Variants in CSMD1 observed in about 807,000 individuals in gnomAD.
CSMD1 encodes the protein CUB and sushi domain-containing protein 1.
Under a neutral mutation model 417.5 loss-of-function variants are expected in CSMD1, and 213 were observed. That is an observed-to-expected ratio of 0.51 (90% CI 0.46 to 0.57). The LOEUF is 0.57. Ranked by LOEUF, CSMD1 falls within the 20% of genes least tolerant of loss-of-function variation. CSMD1 has a pLI of 0.00. For synonymous variants in CSMD1, 2,862 were observed against 1,736.8 expected (o/e 1.65, Z -16.11); for missense variants, 6,923 against 4,529.7 (o/e 1.53, Z -15.17).
chr8:3,445,534 AT>A (rs918502254), intron 12 of CSMD1, among the ~76,000 whole-genome samples: 112 of 151,650 alleles, frequency 7.4e-4, no homozygotes, highest in East Asian at 3.1e-3. Context: ...TTCATTACAC[AT>A]TTTTTTTTAA....
At chr8:3,272,447 G>A (rs1038385831) in intron 26 of CSMD1, among the ~76,000 whole-genome samples, 54 of 150,662 alleles carry the variant, frequency 3.6e-4, no homozygotes, top group Admixed American at 6.0e-4. Flanking sequence ...CTTTAAAGTA[G>A]TTTTTTCCAA....
chr8:4,420,130 G>T, intron 2 of CSMD1, 65 bp from the exon 3 acceptor site: 1 of 1,157,560 alleles, frequency 8.6e-7, no homozygotes, highest in South Asian at 1.3e-5. Flanking sequence ...AAGCTTATTT[G>T]ATGAAGTCAC....
chr8:3,828,869 G>A (rs540661355), intron 5 of CSMD1, among the ~76,000 whole-genome samples: 11 of 152,020 alleles, frequency 7.2e-5, no homozygotes, highest in East Asian at 1.9e-4. Flanking sequence ...CTCTAGCCCC[G>A]TCTCACATCA....
At chr8:4,181,957 CGT>C (rs146690880) in intron 3 of CSMD1, among the ~76,000 whole-genome samples, 163 of 150,134 alleles carry the variant, frequency 1.1e-3, no homozygotes, top group African/African-American at 3.7e-3. Context: ...TCTGTGTCTG[CGT>C]GTGTGTGTGT....
At chr8:4,351,647 G>C (rs887045785) in intron 3 of CSMD1, among the ~76,000 whole-genome samples, 3 of 152,182 alleles carry the variant, frequency 2.0e-5, no homozygotes, top group African/African-American at 7.2e-5. Context: ...GAGGTTTATA[G>C]GAAAGGCTTC....
intron 5 of CSMD1, among the ~76,000 whole-genome samples, chr8:3,925,435 A>T (rs560202497): frequency 6.6e-6 from 1 of 152,364 alleles, no homozygotes; most frequent in South Asian, 2.1e-4. Context: ...TTTAAATTAT[A>T]CAGTTAAACC....
In CSMD1 at chr8:4,844,521, T is replaced by C. The variant is rs114708287; in HGVS notation, c.85+149811A>G. ...CTCTTGGCCGCGTCAAGGTCAGGAC[T>C]GCCTGCTGCGACTGGCTCGAGATTC... On this transcript the variant is annotated intron_variant, in intron 1 of 69. Coordinates refer to ENST00000635120, the MANE Select transcript of CSMD1 (RefSeq NM_033225.6). 9.1e-3 allele frequency among the ~76,000 whole-genome samples: 1,385 copies of C among 152,274 alleles called. 27 individuals carry two copies. The highest frequency in any genetic ancestry group is 0.032 in the African/African-American group (1,333 of 41,548).
intron 5 of CSMD1, among the ~76,000 whole-genome samples, chr8:3,771,388 T>A (rs1282503009): frequency 6.6e-6 from 1 of 152,148 alleles, no homozygotes; most frequent in African/African-American, 2.4e-5. Context: ...CAAAAAGAGT[T>A]TACAAAGGAG....
At chr8:3,217,110 G>A (rs1006677961) in intron 29 of CSMD1, among the ~76,000 whole-genome samples, 1 of 151,996 alleles carries the variant, frequency 6.6e-6, no homozygotes, top group African/African-American at 2.4e-5. Flanking sequence ...GCCCTAGGCT[G>A]GATGCAATGG....
At chr8:4,194,472 T>G (rs1007441100) in intron 3 of CSMD1, among the ~76,000 whole-genome samples, 3 of 152,268 alleles carry the variant, frequency 2.0e-5, no homozygotes, top group South Asian at 2.1e-4. Context: ...TAGCGCCCTG[T>G]CACTTTTCTA....
intron 8 of CSMD1, among the ~76,000 whole-genome samples, chr8:3,604,520 A>C (rs1801512348): frequency 6.6e-6 from 1 of 152,202 alleles, no homozygotes; most frequent in East Asian, 1.9e-4. Context: ...AGCCAATACC[A>C]CATAGGATAC....
intron 5 of CSMD1, among the ~76,000 whole-genome samples, chr8:3,937,462 T>A (rs541005726): frequency 6.6e-6 from 1 of 152,126 alleles, no homozygotes. Context: ...TCCATCAACA[T>A]TGACGAAAGA....
At chr8:4,500,493 T>G (rs1007129897) in intron 2 of CSMD1, among the ~76,000 whole-genome samples, 2 of 152,178 alleles carry the variant, frequency 1.3e-5, no homozygotes, top group Non-Finnish European at 2.9e-5. Flanking sequence ...GGAGTATGAC[T>G]CCTTTTGTGT....
At chr8:3,937,048 A>C (rs899633572) in intron 5 of CSMD1, among the ~76,000 whole-genome samples, 2 of 152,336 alleles carry the variant, frequency 1.3e-5, no homozygotes, top group African/African-American at 4.8e-5. Context: ...AGACATGTTG[A>C]AAACAGCAAG....
intron 5 of CSMD1, among the ~76,000 whole-genome samples, chr8:3,885,544 G>T (rs1007050520): frequency 6.6e-6 from 1 of 152,098 alleles, no homozygotes; most frequent in Non-Finnish European, 1.5e-5. Flanking sequence ...AGGGAAAAAA[G>T]AACTGTTGCT....
At chr8:4,464,462 TG>T (rs1208877365) in intron 2 of CSMD1, among the ~76,000 whole-genome samples, 14 of 152,300 alleles carry the variant, frequency 9.2e-5, no homozygotes, top group African/African-American at 3.4e-4. Flanking sequence ...AGCCTACAGC[TG>T]GGAAAACCAC....
chr8:4,845,404 C>T (rs1801083437), intron 1 of CSMD1, among the ~76,000 whole-genome samples: 1 of 152,198 alleles, frequency 6.6e-6, no homozygotes, highest in Non-Finnish European at 1.5e-5. Flanking sequence ...CAAGTGATAT[C>T]CATTGCTCTC....
intron 5 of CSMD1, among the ~76,000 whole-genome samples, chr8:3,952,217 TAAG>T (rs911128003): frequency 1.3e-5 from 2 of 152,096 alleles, no homozygotes; most frequent in Non-Finnish European, 2.9e-5. Flanking sequence ...ATTTTCATAA[TAAG>T]AAGATTAAGA....
At chr8:3,266,855 G>T (rs1801470084) in intron 26 of CSMD1, among the ~76,000 whole-genome samples, 1 of 151,504 alleles carries the variant, frequency 6.6e-6, no homozygotes, top group Non-Finnish European at 1.5e-5. Context: ...AGTGACAAGA[G>T]CAGTAATCAC....
Sources: gnomAD v4.1 joint callset for allele counts (sites outside exome capture counted in the v4.1 genomes callset) on GRCh38, gnomAD v4.1.1 for gene constraint, MANE v1.5 for transcripts, NCBI Gene and HGNC (gene_info 2026-07-23, HGNC 2026-07-21) for gene names.